TMPRSS11E: variants seen among roughly 807,000 people sequenced by gnomAD.
TMPRSS11E encodes the protein transmembrane protease serine 11E.
In TMPRSS11E, 38 loss-of-function variants were observed where a neutral mutation model predicts 48.1. The observed-to-expected ratio is 0.79, with a 90% confidence interval of 0.61 to 1.04. The LOEUF is 1.04. Ranked by LOEUF, TMPRSS11E falls within the 50% of genes least tolerant of loss-of-function variation. The probability of loss-of-function intolerance (pLI) is 0.00; values close to 1 mark genes in which losing one functional copy is unlikely to be tolerated. For missense variants in TMPRSS11E, 530 were observed against 510.8 expected, an observed-to-expected ratio of 1.04 and a Z score of -0.36; for synonymous variants, 158 against 171.9, an observed-to-expected ratio of 0.92 and a Z score of 0.63.
chr4:68,482,590 C>CAAA (rs371144994), intron 9 of TMPRSS11E, among the ~76,000 whole-genome samples: 1,696 of 105,564 alleles, frequency 0.016, 120 homozygotes, highest in East Asian at 0.061. Flanking sequence ...TGCATCTCCA[C>CAAA]AAAAAAAAAA....
At chr4:68,461,126 C>A (rs1052249683) in intron 1 of TMPRSS11E, among the ~76,000 whole-genome samples, 4 of 152,144 alleles carry the variant, frequency 2.6e-5, no homozygotes, top group Non-Finnish European at 5.9e-5. Flanking sequence ...CATGATCCGC[C>A]CGCCTCGGCC....
chr4:68,489,727 G>A (rs974028868), intron 9 of TMPRSS11E, among the ~76,000 whole-genome samples: 12 of 152,242 alleles, frequency 7.9e-5, no homozygotes, highest in Non-Finnish European at 1.8e-4. Flanking sequence ...GGCAGCTGAG[G>A]CAGTGCTGCA....
rs540393215 is a variant in TMPRSS11E, at chr4:68,454,932, C to T, written c.12-6889C>T. On this transcript the variant is annotated intron_variant, in intron 1 of 9. Coordinates refer to ENST00000305363, the MANE Select transcript of TMPRSS11E (RefSeq NM_014058.4). ...AGGTAACTGGGATGTCTATGACCAT[C>T]TTGTGTTGGAAATATTACAGTTCTC... Among the ~76,000 whole-genome samples, 12 of 151,996 alleles carry T rather than the reference C, an allele frequency of 7.9e-5. No homozygotes were observed. The South Asian group carries it at 2.5e-3, about 32-fold the overall frequency.
intron 9 of TMPRSS11E, among the ~76,000 whole-genome samples, chr4:68,479,491 A>T (rs1729346230): frequency 6.7e-6 from 1 of 149,490 alleles, no homozygotes; most frequent in Non-Finnish European, 1.5e-5. Context: ...GTATATAAAT[A>T]TATATTTATT....
intron 8 of TMPRSS11E, among the ~76,000 whole-genome samples, chr4:68,478,149 C>CTTTTTTTT (rs141071822): frequency 8.2e-5 from 11 of 134,232 alleles, no homozygotes; most frequent in African/African-American, 2.5e-4. Context: ...GTATCACTAT[C>CTTTTTTTT]TTTTTTTTTT....
intron 1 of TMPRSS11E, 104 bp from the exon 2 acceptor site, chr4:68,461,717 C>T (rs1248378169): frequency 3.9e-6 from 6 of 1,554,122 alleles, no homozygotes; most frequent in Non-Finnish European, 5.3e-6. Flanking sequence ...CAGTACACGA[C>T]CCTCCAACTG....
intron 1 of TMPRSS11E, among the ~76,000 whole-genome samples, chr4:68,455,046 A>T (rs1249817301): frequency 2.0e-5 from 3 of 151,918 alleles, no homozygotes; most frequent in Non-Finnish European, 4.4e-5. Flanking sequence ...TTCTATCTAT[A>T]CATTTGTACC....
intron 2 of TMPRSS11E, among the ~76,000 whole-genome samples, chr4:68,465,985 G>C (rs954635477): frequency 5.3e-5 from 8 of 152,138 alleles, no homozygotes; most frequent in African/African-American, 1.9e-4. Context: ...AGTGGCTAAG[G>C]AGCAGACAAG....
In TMPRSS11E at chr4:68,496,950, T is replaced by A; in HGVS notation, c.*146T>A. The A allele has an allele frequency of 1.2e-6, 1 of 807,728 alleles. No homozygotes were observed. The highest frequency in any genetic ancestry group is 2.0e-6 in the Non-Finnish European group (1 of 500,420). 50.0% of individuals were successfully genotyped at this position (807,728 alleles called of 1,614,324 possible). On this transcript the variant is annotated 3_prime_UTR_variant, in exon 10 of 10. Transcript: ENST00000305363. ...AACTGTTTGCTTGATGCATGTATTT[T>A]CTTCCCAGCTCTGTTCCGCACATAA...
At chr4:68,461,757 T>G in intron 1 of TMPRSS11E, 64 bp from the exon 2 acceptor site, 1 of 1,607,214 alleles carries the variant, frequency 6.2e-7, no homozygotes, top group East Asian at 2.2e-5. Context: ...AAATATCTGT[T>G]TTGTCTAATG....
intron 7 of TMPRSS11E, 103 bp downstream of exon 7, chr4:68,476,541 T>TA: frequency 8.2e-7 from 1 of 1,226,584 alleles, no homozygotes; most frequent in Non-Finnish European, 1.1e-6. Flanking sequence ...TAGCATAAAT[T>TA]AAAAATAGTG....
At chr4:68,493,478 G>T (rs766632471) in intron 9 of TMPRSS11E, among the ~76,000 whole-genome samples, 2 of 151,932 alleles carry the variant, frequency 1.3e-5, no homozygotes, top group African/African-American at 2.4e-5. Flanking sequence ...ATTTTTTTGG[G>T]GGGGAGGGAT....
chr4:68,491,245 CTTG>C (rs1729711105), intron 9 of TMPRSS11E, among the ~76,000 whole-genome samples: 1 of 136,850 alleles, frequency 7.3e-6, no homozygotes, highest in South Asian at 2.4e-4. Flanking sequence ...AAAACTTGCA[CTTG>C]TTGGCAGGTT....
chr4:68,465,943 G>C (rs537362150), intron 2 of TMPRSS11E, among the ~76,000 whole-genome samples: 1 of 152,258 alleles, frequency 6.6e-6, no homozygotes, highest in South Asian at 2.1e-4. Context: ...CAAAAATGTG[G>C]GTTGCTTAAA....
rs189405032 is a variant in TMPRSS11E at position 68,455,500 on chromosome 4, A to G, written c.12-6321A>G. The stretch of plus-strand genomic sequence containing the variant: ...CACTAAGACATAGGTTACTGGTTTT[A>G]CAGTTTAGATCTACTTCCATTCTAT... On this transcript the variant is annotated intron_variant, in intron 1 of 9. Coordinates refer to ENST00000305363, the MANE Select transcript of TMPRSS11E (RefSeq NM_014058.4). Among the ~76,000 whole-genome samples the G allele has an allele frequency of 2.8e-3, 427 of 152,064 alleles. 2 individuals are homozygous for G. The highest frequency in any genetic ancestry group is 9.6e-3 in the African/African-American group (397 of 41,530).
chr4:68,453,718 G>A (rs933641616), intron 1 of TMPRSS11E, among the ~76,000 whole-genome samples: 1 of 151,868 alleles, frequency 6.6e-6, no homozygotes, highest in South Asian at 2.1e-4. Context: ...ATTTAGCTAC[G>A]AGTGACAGGA....
At chr4:68,474,801 G>GT in intron 6 of TMPRSS11E, 40 bp downstream of exon 6, 1 of 1,545,538 alleles carries the variant, frequency 6.5e-7, no homozygotes, top group Non-Finnish European at 8.8e-7. Context: ...TTACCTGAAG[G>GT]TAAAAAGCTA....
intron 9 of TMPRSS11E, among the ~76,000 whole-genome samples, chr4:68,488,963 A>G (rs1729640897): frequency 6.6e-6 from 1 of 152,162 alleles, no homozygotes; most frequent in Admixed American, 6.5e-5. Context: ...TGACATCTGT[A>G]TTCTGAATTC....
At chr4:68,449,019 A>T (rs953208457) in intron 1 of TMPRSS11E, among the ~76,000 whole-genome samples, 9 of 151,794 alleles carry the variant, frequency 5.9e-5, no homozygotes, top group African/African-American at 2.2e-4. Context: ...ACTCAGAAAG[A>T]ATACAAGAAA....
Sources: gnomAD v4.1 joint callset for allele counts (sites outside exome capture counted in the v4.1 genomes callset) on GRCh38, gnomAD v4.1.1 for gene constraint, MANE v1.5 for transcripts, NCBI Gene and HGNC (gene_info 2026-07-23, HGNC 2026-07-21) for gene names.